The following RAD51C variants were observed in gnomAD, a reference collection of about 807,000 sequenced individuals.
RAD51C encodes the protein DNA repair protein RAD51 homolog 3.
Under a neutral mutation model 45.0 loss-of-function variants are expected in RAD51C, and 42 were observed. The ratio of observed to expected loss-of-function variants is 0.93; its 90% CI spans 0.73 to 1.21. RAD51C has a LOEUF of 1.21. Among genes scored for constraint, RAD51C ranks in the 50% most tolerant of loss-of-function variants. The pLI is 0.00. For missense variants in RAD51C, 474 were observed against 452.2 expected (o/e 1.05, Z -0.44); for synonymous variants, 172 against 159.8 (o/e 1.08, Z -0.58).
intron 7 of RAD51C, among the ~76,000 whole-genome samples, chr17:58,731,452 T>A (rs2049419401): frequency 6.6e-6 from 1 of 151,864 alleles, no homozygotes; most frequent in Non-Finnish European, 1.5e-5. Flanking sequence ...AGAGATGGGG[T>A]TTCTCCATGT....
Position 58,715,597 on chromosome 17 carries a change from A to T in RAD51C, c.838-5149A>T, listed in dbSNP as rs77887817. On this transcript the variant is annotated intron_variant, in intron 5 of 8. Coordinates refer to ENST00000337432, the MANE Select transcript of RAD51C (RefSeq NM_058216.3). ...ATTTTATATAAGCAGATCATACAGTATATGGCCTTTTATGTCTGACTTCTT... is the reference window on the plus strand; with the variant it reads ...ATTTTATATAAGCAGATCATACAGTTTATGGCCTTTTATGTCTGACTTCTT... 1.2e-4 allele frequency among the ~76,000 whole-genome samples: 18 copies of T among 152,204 alleles called. No homozygotes were observed. In the East Asian group the frequency reaches 3.5e-3, roughly 29 times the overall value.
chr17:58,720,828 G>T lies in RAD51C; in HGVS notation c.904+16G>T. 6.3e-7 allele frequency: 1 copy of T among 1,592,352 alleles called. No homozygotes were observed. Among genetic ancestry groups the T allele is most frequent in the South Asian group, 1.1e-5 (1 of 90,592 alleles). On this transcript the variant is annotated intron_variant, in intron 6 of 8. Transcript: ENST00000337432. ...CCTGCATTAGGTGGGTAATTAATCAGATAAACATTTTAGTTTATCACAGTT... is the reference window on the plus strand; with the variant it reads ...CCTGCATTAGGTGGGTAATTAATCATATAAACATTTTAGTTTATCACAGTT...
At chr17:58,727,794 G>A (rs2049225488) in intron 7 of RAD51C, among the ~76,000 whole-genome samples, 1 of 151,956 alleles carries the variant, frequency 6.6e-6, no homozygotes, top group Non-Finnish European at 1.5e-5. Context: ...AGGTGTGGTG[G>A]TGCACACCTA....
intron 7 of RAD51C, among the ~76,000 whole-genome samples, chr17:58,724,471 A>G (rs1398413608): frequency 6.6e-6 from 1 of 152,038 alleles, no homozygotes; most frequent in Non-Finnish European, 1.5e-5. Flanking sequence ...GACAAAAGGA[A>G]AATTGTTGAG....
At chr17:58,701,192 C>T (rs969622408) in intron 3 of RAD51C, among the ~76,000 whole-genome samples, 1 of 151,692 alleles carries the variant, frequency 6.6e-6, no homozygotes, top group Non-Finnish European at 1.5e-5. Flanking sequence ...TGAGCCACCA[C>T]GCCTGGCTAA....
At chr17:58,732,140 A>G (rs1296982191) in intron 7 of RAD51C, among the ~76,000 whole-genome samples, 1 of 152,170 alleles carries the variant, frequency 6.6e-6, no homozygotes, top group Non-Finnish European at 1.5e-5. Flanking sequence ...ATAATACAGT[A>G]TAACTATTAT....
At chr17:58,707,918 T>C (rs968335731) in intron 4 of RAD51C, among the ~76,000 whole-genome samples, 2 of 152,170 alleles carry the variant, frequency 1.3e-5, no homozygotes, top group Non-Finnish European at 2.9e-5. Flanking sequence ...GAGTGAGCTC[T>C]TTGGTGTCTT....
At position 58,734,298 on chromosome 17, in the gene RAD51C, A is replaced by C. The variant is rs1341963442; in HGVS notation, c.*76A>C. ...TGTGTACAAGTGGACTTGTTACCTT[A>C]AAGTATAAATAAACACACTATGGCA... On this transcript the variant is annotated 3_prime_UTR_variant, in exon 9 of 9. Coordinates refer to ENST00000337432, the MANE Select transcript of RAD51C (RefSeq NM_058216.3). 1.9e-6 allele frequency: 3 copies of C among 1,557,646 alleles called. No individual in the cohort carries two copies. The highest frequency in any genetic ancestry group is 2.6e-6 in the Non-Finnish European group (3 of 1,148,806).
rs2049016561 is a variant in RAD51C, at chr17:58,723,966, G to A, written c.905-74G>A. On this transcript the variant is annotated intron_variant, in intron 6 of 8. Coordinates refer to ENST00000337432, the MANE Select transcript of RAD51C (RefSeq NM_058216.3). ...AAATTAATAAAGTAAGATTATATTT[G>A]ATCAGAGGCGTTCTGAGAAATGTAT... The A allele has an allele frequency of 3.1e-6, 4 of 1,271,608 alleles. No individual in the cohort carries two copies. In the South Asian group the frequency reaches 4.8e-5, roughly 15 times the overall value. 78.8% of individuals were successfully genotyped at this position (1,271,608 alleles called of 1,614,324 possible).
intron 4 of RAD51C, among the ~76,000 whole-genome samples, chr17:58,707,921 G>C (rs962114249): frequency 6.6e-6 from 1 of 152,070 alleles, no homozygotes; most frequent in Non-Finnish European, 1.5e-5. Flanking sequence ...TGAGCTCTTT[G>C]GTGTCTTTTC....
rs564263274 is a variant in RAD51C, at chr17:58,695,724, G to T, written c.404+535G>T. Among the ~76,000 whole-genome samples, 47 of 151,718 alleles carry T rather than the reference G, an allele frequency of 3.1e-4. 1 individual carries two copies. In the Middle Eastern group the frequency reaches 0.01, roughly 33 times the overall value. On this transcript the variant is annotated intron_variant, in intron 2 of 8. Transcript: ENST00000337432. ...AGCTTGAGCCGGGGAGGTCAAAACT[G>T]CAGTGAGCCTTAATCACATCACTGG... is the stretch of plus-strand genomic sequence containing the variant.
intron 4 of RAD51C, 22 bp from the exon 5 acceptor site, chr17:58,709,837 A>G (rs1331211942): frequency 1.2e-5 from 19 of 1,589,848 alleles, no homozygotes; most frequent in African/African-American, 2.7e-5. Flanking sequence ...AACAAATCTA[A>G]TATTATCTCT....
rs1598456882 is a variant in RAD51C at position 58,695,285 on chromosome 17, T to C, written c.404+96T>C. 28 of 1,476,732 alleles carry C rather than the reference T, an allele frequency of 1.9e-5. No homozygotes were observed. In the South Asian group the frequency reaches 4.0e-4, roughly 21 times the overall value. 91.5% of individuals were successfully genotyped at this position (1,476,732 alleles called of 1,614,324 possible). Reference sequence around the variant, plus strand: ...GTCAGGAAACCAAATAAGATATATATGTGCTCTTAATTTTAAGTGTGTATG... The same window carrying C: ...GTCAGGAAACCAAATAAGATATATACGTGCTCTTAATTTTAAGTGTGTATG... On this transcript the variant is annotated intron_variant, in intron 2 of 8. Coordinates refer to ENST00000337432, the MANE Select transcript of RAD51C (RefSeq NM_058216.3).
In RAD51C at chr17:58,694,620, G is replaced by A; in HGVS notation, c.146-311G>A. 19 of 358,668 alleles carry A rather than the reference G, an allele frequency of 5.3e-5. 1 individual carries two copies. The highest frequency in any genetic ancestry group is 3.8e-4 in the South Asian group (17 of 44,514). 22.2% of individuals were successfully genotyped at this position (358,668 alleles called of 1,614,324 possible). A position where few individuals can be genotyped will look rare whatever the true frequency, so the allele number is the denominator to read the frequency against. On this transcript the variant is annotated intron_variant, in intron 1 of 8. Coordinates refer to ENST00000337432, the MANE Select transcript of RAD51C (RefSeq NM_058216.3). ...CCTCCCAAGTAGCTGGAATTATAAC[G>A]CGTGCCACCATGCCCGGCTAATTTT...
At chr17:58,706,204 A>C (rs62081318) in intron 4 of RAD51C, among the ~76,000 whole-genome samples, 3,922 of 152,096 alleles carry the variant, frequency 0.026, 72 homozygotes, top group Non-Finnish European at 0.042. Flanking sequence ...TGAGGCAGGC[A>C]GATCACGAAG....
intron 6 of RAD51C, among the ~76,000 whole-genome samples, chr17:58,723,678 A>C (rs1046190462): frequency 3.9e-5 from 6 of 152,112 alleles, no homozygotes; most frequent in African/African-American, 1.4e-4. Context: ...AATATGCCAC[A>C]ACTTAATTAT....
In RAD51C at chr17:58,694,973, T is replaced by C. The variant is rs2143718849; in HGVS notation, c.188T>C (p.Ile63Thr). The change falls in exon 2 of 9, where the codon ATT becomes ACT. Residue 63 changes from isoleucine (I) to threonine (T), a missense_variant. Ile to Thr is a moderately conservative substitution (Grantham distance 89). Transcript: ENST00000337432. Reference protein sequence around the residue: ...SKAEALETLQIIRRECLTNKP... With the variant: ...SKAEALETLQTIRRECLTNKP... The stretch of plus-strand genomic sequence containing the variant: ...GCAGAAGCCTTAGAAACTCTGCAAA[T>C]TATCAGAAGAGAATGTCTCACAAAT... The C allele has an allele frequency of 6.2e-7, 1 of 1,614,148 alleles. No individual in the cohort carries two copies. The highest frequency in any genetic ancestry group is 8.5e-7 in the Non-Finnish European group (1 of 1,180,018).
At chr17:58,702,045 G>T (rs1172155370) in intron 3 of RAD51C, among the ~76,000 whole-genome samples, 1 of 150,900 alleles carries the variant, frequency 6.6e-6, no homozygotes, top group Non-Finnish European at 1.5e-5. Context: ...ACCCAGGTTG[G>T]AGTACAGTGC....
intron 6 of RAD51C, among the ~76,000 whole-genome samples, chr17:58,721,944 C>CT (rs964747407): frequency 2.0e-5 from 3 of 152,004 alleles, no homozygotes; most frequent in Non-Finnish European, 4.4e-5. Context: ...GTGTAATAGT[C>CT]TGTCATGTTT....
Sources: gnomAD v4.1 joint callset for allele counts (sites outside exome capture counted in the v4.1 genomes callset) on GRCh38, gnomAD v4.1.1 for gene constraint, MANE v1.5 for transcripts, NCBI Gene and HGNC (gene_info 2026-07-23, HGNC 2026-07-21) for gene names.